TMEM19: variants seen among roughly 807,000 people sequenced by gnomAD.
TMEM19 encodes transmembrane protein 19.
TMEM19 carries 21 observed loss-of-function variants against 33.6 expected under a neutral mutation model. That is an observed-to-expected ratio of 0.62 (90% CI 0.44 to 0.90). The LOEUF (loss-of-function observed/expected upper bound fraction) is 0.90. TMEM19 is among the 40% of genes least tolerant of loss of function. The probability of loss-of-function intolerance (pLI) is 0.00; values close to 1 mark genes in which losing one functional copy is unlikely to be tolerated. For missense variants in TMEM19, 402 were observed against 401.8 expected (o/e 1.00, Z 0.00); for synonymous variants, 149 against 147.5 (o/e 1.01, Z -0.07).
intron 4 of TMEM19, among the ~76,000 whole-genome samples, chr12:71,698,407 G>T (rs182562299): frequency 6.6e-6 from 1 of 152,244 alleles, no homozygotes; most frequent in East Asian, 1.9e-4. Context: ...AAAGCACAAA[G>T]AAGTTAGATA....
chr12:71,700,066 C>A (rs1881949496), intron 5 of TMEM19, among the ~76,000 whole-genome samples: 1 of 152,156 alleles, frequency 6.6e-6, no homozygotes, highest in South Asian at 2.1e-4. Flanking sequence ...GTCCTCCCAG[C>A]ACTCTTCATG....
intron 2 of TMEM19, among the ~76,000 whole-genome samples, chr12:71,696,011 G>A (rs1338745552): frequency 1.3e-5 from 2 of 152,070 alleles, no homozygotes; most frequent in Non-Finnish European, 2.9e-5. Flanking sequence ...CTAAGCAATG[G>A]AAAGGGTTAT....
rs1881749767 is a variant in TMEM19 at position 71,689,591 on chromosome 12, G to A, written c.131G>A (p.Gly44Asp). The A allele has an allele frequency of 6.2e-7, 1 of 1,613,416 alleles. No individual in the cohort carries two copies. Among genetic ancestry groups the A allele is most frequent in the African/African-American group, 1.3e-5 (1 of 74,858 alleles). Residue 44 changes from glycine to aspartate, a missense_variant and splice_region_variant, in exon 2 of 6, where the codon GGT becomes GAT. Transcript: ENST00000266673. ...IISMTASTYY[G>D]NLRPISPWRW... ...GTGCTCCACCTTTATAATTTTTCAGGTAACTTACGACCTATTTCTCCGTGG... is the reference window on the plus strand; with the variant it reads ...GTGCTCCACCTTTATAATTTTTCAGATAACTTACGACCTATTTCTCCGTGG...
Position 71,701,043 on chromosome 12 carries a change from T to A in TMEM19, c.*48T>A. On this transcript the variant is annotated 3_prime_UTR_variant, in exon 6 of 6. Coordinates refer to ENST00000266673, the MANE Select transcript of TMEM19 (RefSeq NM_018279.4). ...TGAAACTGGTGAGTCCAGCTAAATT[T>A]GCAATTCCAACTTTCATCCTAAGAA... 1.3e-6 allele frequency: 2 copies of A among 1,485,348 alleles called. No individual in the cohort carries two copies. The highest frequency in any genetic ancestry group is 2.8e-5 in the South Asian group (2 of 71,146). 92.0% of individuals were successfully genotyped at this position (1,485,348 alleles called of 1,614,324 possible).
intron 2 of TMEM19, among the ~76,000 whole-genome samples, chr12:71,694,171 A>T (rs963711447): frequency 6.6e-6 from 1 of 152,248 alleles, no homozygotes; most frequent in African/African-American, 2.4e-5. Flanking sequence ...GCAGGGGTTC[A>T]GTCACAGTCA....
Position 71,701,077 on chromosome 12 carries a change from G to C in TMEM19, c.*82G>C. The C allele has an allele frequency of 7.2e-7, 1 of 1,379,316 alleles. No individual in the cohort carries two copies. Among genetic ancestry groups the C allele is most frequent in the Non-Finnish European group, 9.6e-7 (1 of 1,036,856 alleles). The allele number at this position is 1,379,316 out of a possible 1,614,324, so 85.4% of individuals were successfully genotyped here. A position where few individuals can be genotyped will look rare whatever the true frequency, so the allele number is the denominator to read the frequency against. ...AACTTTCATCCTAAGAATAATAACTGTAATGGCAAAGCGGAAATGCCAGTT... is the reference window on the plus strand; with the variant it reads ...AACTTTCATCCTAAGAATAATAACTCTAATGGCAAAGCGGAAATGCCAGTT... On this transcript the variant is annotated 3_prime_UTR_variant, in exon 6 of 6. Transcript: ENST00000266673.
At chr12:71,687,084 C>CA (rs1881704251) in intron 1 of TMEM19, among the ~76,000 whole-genome samples, 1 of 151,782 alleles carries the variant, frequency 6.6e-6, no homozygotes, top group African/African-American at 2.4e-5. Context: ...AGGCTGGTCT[C>CA]AAACCCCTAG....
chr12:71,704,158 G>A lies in TMEM19; in HGVS notation c.*3163G>A, dbSNP rs1456650561. ...AGAAGACTTGCAGGAGTAGCATGTTGAAAACTCATTAAATGGAGCCACCAA... is the reference window on the plus strand; with the variant it reads ...AGAAGACTTGCAGGAGTAGCATGTTAAAAACTCATTAAATGGAGCCACCAA... On this transcript the variant is annotated 3_prime_UTR_variant, in exon 6 of 6. Coordinates refer to ENST00000266673, the MANE Select transcript of TMEM19 (RefSeq NM_018279.4). 8.5e-6 allele frequency: 2 copies of A among 234,096 alleles called. No individual in the cohort carries two copies. Among genetic ancestry groups the A allele is most frequent in the African/African-American group, 4.6e-5 (2 of 43,722 alleles). 14.5% of individuals were successfully genotyped at this position (234,096 alleles called of 1,614,324 possible).
chr12:71,700,454 G>A (rs1881957071), intron 5 of TMEM19, among the ~76,000 whole-genome samples: 1 of 152,112 alleles, frequency 6.6e-6, no homozygotes, highest in Admixed American at 6.5e-5. Context: ...GTCTTGGAGG[G>A]GAACCACTGG....
At chr12:71,693,265 T>C (rs1295941709) in intron 2 of TMEM19, among the ~76,000 whole-genome samples, 1 of 151,882 alleles carries the variant, frequency 6.6e-6, no homozygotes, top group Non-Finnish European at 1.5e-5. Context: ...GATGCAACCA[T>C]AGCTTAGTGC....
chr12:71,697,896 C>A (rs1881903024), intron 4 of TMEM19, among the ~76,000 whole-genome samples: 1 of 152,136 alleles, frequency 6.6e-6, no homozygotes, highest in South Asian at 2.1e-4. Context: ...ACATTATCAA[C>A]AACTACATAG....
chr12:71,688,012 G>T lies in TMEM19; in HGVS notation c.130+1202G>T, dbSNP rs530311067. Among the ~76,000 whole-genome samples, 35 of 152,294 alleles carry T rather than the reference G, an allele frequency of 2.3e-4. No individual in the cohort carries two copies. The South Asian group carries it at 6.6e-3, about 29-fold the overall frequency. ...CACAGTGGGGCATCAGAGTTTTAGG[G>T]GAGGGGTGTAAGAAAAGATTCTTGT... On this transcript the variant is annotated intron_variant, in intron 1 of 5. Transcript: ENST00000266673.
Position 71,686,797 on chromosome 12 carries a change from A to T in TMEM19, c.117A>T (p.Ala39=). The T allele has an allele frequency of 1.2e-6, 2 of 1,610,654 alleles. No individual in the cohort carries two copies. Among genetic ancestry groups the T allele is most frequent in the Non-Finnish European group, 1.7e-6 (2 of 1,178,982 alleles). The change falls in exon 1 of 6, where the codon GCA becomes GCT. Residue 39 remains alanine, a synonymous_variant. Transcript: ENST00000266673. ...SLAFWIISMT[A]STYYGNLRPI... ...CTTTCTGGATTATATCAATGACTGC[A>T]AGCACCTATTATGGTAAGTCTGAGT...
chr12:71,697,121 G>T (rs1881886455), intron 3 of TMEM19, among the ~76,000 whole-genome samples, 159 bp from the exon 4 acceptor site: 1 of 152,200 alleles, frequency 6.6e-6, no homozygotes, highest in African/African-American at 2.4e-5. Context: ...GTTAATAACA[G>T]TATAAAATCT....
chr12:71,699,019 C>A lies in TMEM19; in HGVS notation c.757C>A (p.Pro253Thr), dbSNP rs1881929942. 5 of 1,614,132 alleles carry A rather than the reference C, an allele frequency of 3.1e-6. No individual in the cohort carries two copies. In the Admixed American group the frequency reaches 6.7e-5, roughly 22 times the overall value. The change falls in exon 5 of 6, where the codon CCG (proline) becomes ACG (threonine). Residue 253 changes from proline (P) to threonine (T), a missense_variant. Pro to Thr is a conservative substitution (Grantham distance 38). Coordinates refer to ENST00000266673, the MANE Select transcript of TMEM19 (RefSeq NM_018279.4). The stretch of plus-strand genomic sequence containing the variant: ...TGTGAATGATTTAGACATTTCTGCC[C>A]CGCAGTGGCCAATTATTGCATTTGG... ...IFVNDLDISAPQWPIIAFGGL... is the reference protein window; with the variant it reads ...IFVNDLDISATQWPIIAFGGL...
chr12:71,696,529 G>A lies in TMEM19; in HGVS notation c.338G>A (p.Trp113Ter). 3 of 1,611,722 alleles carry A rather than the reference G, an allele frequency of 1.9e-6. No individual in the cohort carries two copies. Among genetic ancestry groups the A allele is most frequent in the Non-Finnish European group, 2.5e-6 (3 of 1,178,638 alleles). ...FFLSSSKLTK[W>*]KGEVKKRLDS... ...TTGTCTTCTTCGAAACTCACTAAAT[G>A]GAAGGGAGAAGTGAAGAAGCGTCTA... The change falls in exon 3 of 6, where the codon TGG becomes TAG. Residue 113 changes from tryptophan (W) to a stop codon, truncating the protein, a stop_gained. Transcript: ENST00000266673. LOFTEE classifies it high-confidence loss of function.
chr12:71,692,250 T>C (rs1327212233), intron 2 of TMEM19, among the ~76,000 whole-genome samples: 2 of 152,250 alleles, frequency 1.3e-5, no homozygotes. Flanking sequence ...TCTCCGTACC[T>C]CTGCTCACAT....
chr12:71,690,921 T>G (rs1247075970), intron 2 of TMEM19, among the ~76,000 whole-genome samples: 1 of 152,224 alleles, frequency 6.6e-6, no homozygotes, highest in African/African-American at 2.4e-5. Context: ...AGCAATGTGC[T>G]CTCGTGGTCC....
chr12:71,692,373 C>T (rs1881800197), intron 2 of TMEM19, among the ~76,000 whole-genome samples: 1 of 152,094 alleles, frequency 6.6e-6, no homozygotes, highest in Non-Finnish European at 1.5e-5. Flanking sequence ...AGAGACAGTT[C>T]TGGGCAGAAA....
Sources: gnomAD v4.1 joint callset for allele counts (sites outside exome capture counted in the v4.1 genomes callset) on GRCh38, gnomAD v4.1.1 for gene constraint, MANE v1.5 for transcripts, NCBI Gene and HGNC (gene_info 2026-07-23, HGNC 2026-07-21) for gene names.